Variants in LMAN1 observed in about 807,000 individuals in gnomAD.
The protein encoded by LMAN1 is protein ERGIC-53.
Under a neutral mutation model 67.8 loss-of-function variants are expected in LMAN1, and 32 were observed. The observed-to-expected ratio is 0.47, with a 90% CI of 0.36 to 0.63. The LOEUF (loss-of-function observed/expected upper bound fraction) is 0.63, where lower values mean the gene tolerates loss of function less well. Among genes scored for constraint, LMAN1 ranks in the 30% least tolerant of loss-of-function variants. The pLI is 0.00. For missense variants in LMAN1, 632 were observed against 628.2 expected (o/e 1.01, Z -0.06); for synonymous variants, 235 against 219.3 (o/e 1.07, Z -0.63).
intron 7 of LMAN1, 132 bp from the exon 8 acceptor site, chr18:59,346,183 C>A: frequency 7.1e-5 from 24 of 339,910 alleles, no homozygotes; most frequent in Non-Finnish European, 1.0e-4. Context: ...TGTATTCCTT[C>A]TTTACTTAAA....
At chr18:59,335,394 G>A (rs1172549835) in intron 10 of LMAN1, among the ~76,000 whole-genome samples, 1 of 150,016 alleles carries the variant, frequency 6.7e-6, no homozygotes, top group Admixed American at 6.7e-5. Context: ...GATTGCACCA[G>A]TGTACTCCAG....
intron 5 of LMAN1, among the ~76,000 whole-genome samples, 187 bp from the exon 6 acceptor site, chr18:59,349,423 T>C (rs1908493359): frequency 6.6e-6 from 1 of 152,202 alleles, no homozygotes; most frequent in Non-Finnish European, 1.5e-5. Context: ...CCCCACTATG[T>C]GTCAAAAGTT....
intron 7 of LMAN1, among the ~76,000 whole-genome samples, chr18:59,346,946 C>T (rs150846809): frequency 6.6e-6 from 1 of 151,476 alleles, no homozygotes; most frequent in East Asian, 2.0e-4. Context: ...AGAAATGAAG[C>T]GTGGCCGAGC....
intron 1 of LMAN1, among the ~76,000 whole-genome samples, chr18:59,356,586 T>C (rs1472106907): frequency 1.3e-5 from 2 of 152,174 alleles, no homozygotes; most frequent in Non-Finnish European, 2.9e-5. Flanking sequence ...ACTTTACAGG[T>C]AGAAAAAAGT....
intron 11 of LMAN1, among the ~76,000 whole-genome samples, chr18:59,332,250 G>A (rs187768169): frequency 6.6e-6 from 1 of 151,966 alleles, no homozygotes; most frequent in Admixed American, 6.6e-5. Context: ...GACAATGTAC[G>A]AGAAAAATAA....
At chr18:59,358,974 G>A (rs1403121317) in intron 1 of LMAN1, 57 bp downstream of exon 1, 5 of 1,541,368 alleles carry the variant, frequency 3.2e-6, no homozygotes, top group Non-Finnish European at 4.5e-6. Flanking sequence ...GATGAAAGGC[G>A]AAGAGGCAGC....
intron 10 of LMAN1, 93 bp from the exon 11 acceptor site, chr18:59,333,337 T>C: frequency 1.1e-6 from 1 of 908,942 alleles, no homozygotes; most frequent in Non-Finnish European, 1.7e-6. Flanking sequence ...TCAAGTCTAA[T>C]ATATTACATC....
At chr18:59,339,061 A>G (rs772227990) in intron 8 of LMAN1, 108 bp from the exon 9 acceptor site, 5 of 785,898 alleles carry the variant, frequency 6.4e-6, no homozygotes, top group Non-Finnish European at 1.1e-5. Context: ...GGACATCACC[A>G]TCACAGTGGT....
intron 8 of LMAN1, among the ~76,000 whole-genome samples, chr18:59,341,144 T>C (rs576545120): frequency 6.6e-6 from 1 of 152,122 alleles, no homozygotes; most frequent in Non-Finnish European, 1.5e-5. Context: ...AAGGGATCAA[T>C]TCACCAAGAG....
At chr18:59,348,334 A>C (rs1360448506) in intron 6 of LMAN1, among the ~76,000 whole-genome samples, 1 of 152,218 alleles carries the variant, frequency 6.6e-6, no homozygotes, top group Non-Finnish European at 1.5e-5. Flanking sequence ...GTGTAGACTA[A>C]GTAACTTAAG....
intron 8 of LMAN1, among the ~76,000 whole-genome samples, chr18:59,340,213 A>G (rs1314650831): frequency 3.2e-4 from 48 of 152,158 alleles, no homozygotes; most frequent in Admixed American, 3.1e-3. Context: ...GGCTAAGGAG[A>G]ATAACTAAGA....
In LMAN1 at chr18:59,327,834, ATTTC is replaced by A. The variant is rs910243775; in HGVS notation, c.*3255_*3258del. 6 of 152,200 alleles carry A rather than the reference ATTTC, an allele frequency of 3.9e-5. No homozygotes were observed. The highest frequency in any genetic ancestry group is 1.4e-4 in the African/African-American group (6 of 41,458). 9.4% of individuals were successfully genotyped at this position (152,200 alleles called of 1,614,324 possible). A position where few individuals can be genotyped will look rare whatever the true frequency, so the allele number is the denominator to read the frequency against. ...AAGGAAAAAGCAAATTTACTAAAATATTTCTTTATTTGAATAAGGTCAATGCCAT... is the reference window on the plus strand; with the variant it reads ...AAGGAAAAAGCAAATTTACTAAAATATTTATTTGAATAAGGTCAATGCCAT... On this transcript the variant is annotated 3_prime_UTR_variant, in exon 13 of 13. Coordinates refer to ENST00000251047, the MANE Select transcript of LMAN1 (RefSeq NM_005570.4).
chr18:59,357,963 T>TAAAAAAAAA (rs150790005), intron 1 of LMAN1, among the ~76,000 whole-genome samples: 1 of 102,568 alleles, frequency 9.7e-6, no homozygotes, highest in Non-Finnish European at 1.9e-5. Flanking sequence ...AACCTTATAG[T>TAAAAAAAAA]AAAAAAAAAA....
intron 1 of LMAN1, among the ~76,000 whole-genome samples, chr18:59,355,982 T>G (rs1250197988): frequency 6.6e-6 from 1 of 152,180 alleles, no homozygotes; most frequent in South Asian, 2.1e-4. Flanking sequence ...TTAGAAAAGC[T>G]GCAACGTATT....
chr18:59,330,791 A>G lies in LMAN1; in HGVS notation c.*302T>C. Reference sequence around the variant, plus strand: ...CTGCAATATTGGAGACTTAGGGGGTAACATTCATATCCAGGGGTTGCCCCC... The same window carrying G: ...CTGCAATATTGGAGACTTAGGGGGTGACATTCATATCCAGGGGTTGCCCCC... On this transcript the variant is annotated 3_prime_UTR_variant, in exon 13 of 13. Transcript: ENST00000251047. 2.8e-6 allele frequency: 1 copy of G among 351,174 alleles called. No homozygotes were observed. The highest frequency in any genetic ancestry group is 5.2e-6 in the Non-Finnish European group (1 of 192,398). The allele number at this position is 351,174 out of a possible 1,614,324, so 21.8% of individuals were successfully genotyped here.
rs903816769 is a variant in LMAN1, at chr18:59,328,128, C to T, written c.*2965G>A. ...ACATGGACAGGGAAAGATAATCACA[C>T]CTTAATATTCACAACTGCTATTTGT... On this transcript the variant is annotated 3_prime_UTR_variant, in exon 13 of 13. Coordinates refer to ENST00000251047, the MANE Select transcript of LMAN1 (RefSeq NM_005570.4). 1 of 152,178 alleles carries T rather than the reference C, an allele frequency of 6.6e-6. No individual in the cohort carries two copies. Among genetic ancestry groups the T allele is most frequent in the Non-Finnish European group, 1.5e-5 (1 of 68,030 alleles). The allele number at this position is 152,178 out of a possible 1,614,324, so 9.4% of individuals were successfully genotyped here.
Position 59,347,550 on chromosome 18 carries a change from A to T in LMAN1, c.785T>A (p.Phe262Tyr). 1 of 1,610,946 alleles carries T rather than the reference A, an allele frequency of 6.2e-7. No individual in the cohort carries two copies. ...GLADDHDVLS[F>Y]LTFQLTEPGK... is the part of the protein sequence containing the mutation. ...AGGTTCAGTCAACTGGAAAGTCAGA[A>T]AAGAAAGGACATCATGGTCATCTAC... The change falls in exon 7 of 13, where the codon TTT (phenylalanine) becomes TAT (tyrosine). Residue 262 changes from phenylalanine to tyrosine, a missense_variant. By Grantham distance (22) the Phe-to-Tyr change is conservative. Coordinates refer to ENST00000251047, the MANE Select transcript of LMAN1 (RefSeq NM_005570.4).
intron 1 of LMAN1, among the ~76,000 whole-genome samples, chr18:59,358,365 C>A (rs1300368702): frequency 2.6e-5 from 4 of 152,194 alleles, no homozygotes; most frequent in Non-Finnish European, 4.4e-5. Context: ...TAAAAAGTTA[C>A]ATAATGTGTT....
rs2070738574 is a variant in LMAN1, at chr18:59,330,139, A to G, written c.*954T>C. 1 of 152,614 alleles carries G rather than the reference A, an allele frequency of 6.6e-6. No individual in the cohort carries two copies. The highest frequency in any genetic ancestry group is 1.9e-4 in the East Asian group (1 of 5,200). The allele number at this position is 152,614 out of a possible 1,614,324, so 9.5% of individuals were successfully genotyped here. On this transcript the variant is annotated 3_prime_UTR_variant, in exon 13 of 13. Coordinates refer to ENST00000251047, the MANE Select transcript of LMAN1 (RefSeq NM_005570.4). ...CTTCTACTACAGCCTCCTTGATTTA[A>G]AAGAGTATGCAAATGGTCACTAACC...
Sources: allele counts gnomAD v4.1 joint callset (sites outside exome capture counted in the v4.1 genomes callset), GRCh38; gene constraint gnomAD v4.1.1; transcripts MANE v1.5; gene names NCBI Gene and HGNC (gene_info 2026-07-23, HGNC 2026-07-21).